Variants in VAV3 observed in about 807,000 individuals in gnomAD.
VAV3 encodes the protein vav guanine nucleotide exchange factor 3.
A neutral mutation model predicts 131.2 loss-of-function variants in VAV3; 94 were observed. That is an observed-to-expected ratio of 0.72 (90% CI 0.61 to 0.85). VAV3 has a LOEUF of 0.85. VAV3 is among the 40% of genes least tolerant of loss of function. The pLI is 0.00. For missense variants in VAV3, 939 were observed against 1,002.7 expected, an observed-to-expected ratio of 0.94 and a Z score of 0.86; for synonymous variants, 349 against 342.0, an observed-to-expected ratio of 1.02 and a Z score of -0.22.
intron 1 of VAV3, among the ~76,000 whole-genome samples, chr1:107,912,184 T>A (rs1053254933): frequency 3.9e-5 from 6 of 152,118 alleles, no homozygotes; most frequent in African/African-American, 1.4e-4. Context: ...TTGACAAAAA[T>A]CTCTTTCTGA....
Position 107,749,373 on chromosome 1 carries a change from A to G in VAV3, c.1392+89T>C, listed in dbSNP as rs910654200. On this transcript the variant is annotated intron_variant, in intron 14 of 26. Transcript: ENST00000370056. ...AGAAACAAAAACATCTGGATTGATAAGCCATATCTCACATTAATGTATTAT... is the reference window on the plus strand; with the variant it reads ...AGAAACAAAAACATCTGGATTGATAGGCCATATCTCACATTAATGTATTAT... The G allele has an allele frequency of 2.9e-6, 4 of 1,368,878 alleles. No homozygotes were observed. In the African/African-American group the frequency reaches 5.9e-5, roughly 20 times the overall value. The allele number at this position is 1,368,878 out of a possible 1,614,324, so 84.8% of individuals were successfully genotyped here. A position where few individuals can be genotyped will look rare whatever the true frequency, so the allele number is the denominator to read the frequency against.
At chr1:107,919,658 T>C (rs1462387509) in intron 1 of VAV3, among the ~76,000 whole-genome samples, 1 of 152,178 alleles carries the variant, frequency 6.6e-6, no homozygotes, top group South Asian at 2.1e-4. Context: ...TTATAAACCA[T>C]TGTAAGCATT....
intron 2 of VAV3, among the ~76,000 whole-genome samples, chr1:107,804,976 T>G (rs560551646): frequency 3.8e-4 from 57 of 151,714 alleles, no homozygotes; most frequent in African/African-American, 1.3e-3. Context: ...GTTTTTTTTT[T>G]GATTCCCCTG....
intron 19 of VAV3, among the ~76,000 whole-genome samples, chr1:107,651,923 C>T (rs373459009): frequency 1.3e-5 from 2 of 152,108 alleles, no homozygotes; most frequent in Non-Finnish European, 2.9e-5. Context: ...TCCAGCCTCA[C>T]ACTTGCTCAC....
chr1:107,888,373 C>A (rs1243552348), intron 1 of VAV3, among the ~76,000 whole-genome samples: 1 of 152,236 alleles, frequency 6.6e-6, no homozygotes, highest in Non-Finnish European at 1.5e-5. Flanking sequence ...ACTCTCCCCT[C>A]TTCCTTTCCC....
At chr1:107,900,189 C>A (rs1374800528) in intron 1 of VAV3, among the ~76,000 whole-genome samples, 1 of 152,136 alleles carries the variant, frequency 6.6e-6, no homozygotes, top group Non-Finnish European at 1.5e-5. Flanking sequence ...GCTACATAGA[C>A]TACAAGCTTC....
chr1:107,786,616 T>A (rs1666019809), intron 2 of VAV3, among the ~76,000 whole-genome samples: 1 of 152,226 alleles, frequency 6.6e-6, no homozygotes, highest in African/African-American at 2.4e-5. Flanking sequence ...ATTGTCATCA[T>A]CCTCATCATC....
intron 2 of VAV3, among the ~76,000 whole-genome samples, chr1:107,833,054 T>C (rs1668322451): frequency 6.6e-6 from 1 of 152,158 alleles, no homozygotes; most frequent in Non-Finnish European, 1.5e-5. Context: ...ATAAAATAAT[T>C]ATGAAGATCA....
In VAV3 at chr1:107,757,280, A is replaced by G; in HGVS notation, c.1067T>C (p.Leu356Pro). Residue 356 changes from leucine to proline, a missense_variant, in exon 11 of 27, where the codon CTG becomes CCG. By Grantham distance (98) the Leu-to-Pro change is moderately conservative. Coordinates refer to ENST00000370056, the MANE Select transcript of VAV3 (RefSeq NM_006113.5). The stretch of plus-strand genomic sequence containing the variant: ...CCCTACCTTCATGGCATCAAGAGCC[A>G]GTTTCAGATTTGCCTTCTCAGTCGG... The part of the protein sequence containing the change: ...TDPTEKANLK[L>P]ALDAMKDLAQ... The G allele has an allele frequency of 1.2e-6, 2 of 1,613,664 alleles. No homozygotes were observed. Among genetic ancestry groups the G allele is most frequent in the Non-Finnish European group, 1.7e-6 (2 of 1,179,854 alleles).
chr1:107,643,061 C>T (rs997243934), intron 19 of VAV3, among the ~76,000 whole-genome samples: 4 of 152,144 alleles, frequency 2.6e-5, no homozygotes, highest in African/African-American at 4.8e-5. Context: ...AAACACATCA[C>T]GTACAGTTTA....
intron 9 of VAV3, among the ~76,000 whole-genome samples, chr1:107,763,331 G>C (rs894047310): frequency 1.3e-5 from 2 of 152,210 alleles, no homozygotes; most frequent in Non-Finnish European, 2.9e-5. Context: ...TAGAGTCCCA[G>C]AGTATGGTCA....
At chr1:107,879,319 T>C (rs1670653374) in intron 1 of VAV3, among the ~76,000 whole-genome samples, 1 of 152,132 alleles carries the variant, frequency 6.6e-6, no homozygotes, top group South Asian at 2.1e-4. Context: ...ACCTCCACCA[T>C]TTGCTTAAGC....
intron 1 of VAV3, among the ~76,000 whole-genome samples, chr1:107,895,903 T>C (rs1671547660): frequency 6.6e-6 from 1 of 152,162 alleles, no homozygotes; most frequent in South Asian, 2.1e-4. Flanking sequence ...CACAGGAAAT[T>C]ACCCCTGAAA....
At chr1:107,779,301 C>A in intron 3 of VAV3, 133 bp downstream of exon 3, 1 of 654,152 alleles carries the variant, frequency 1.5e-6, no homozygotes, top group Non-Finnish European at 2.3e-6. Context: ...GTACGGGATA[C>A]TTACATACCA....
chr1:107,804,616 T>C (rs1196959342), intron 2 of VAV3, among the ~76,000 whole-genome samples: 1 of 152,206 alleles, frequency 6.6e-6, no homozygotes, highest in Non-Finnish European at 1.5e-5. Flanking sequence ...TTTCTGTAGC[T>C]ATTATTCTTT....
intron 25 of VAV3, among the ~76,000 whole-genome samples, chr1:107,591,557 C>G (rs186513648): frequency 7.9e-5 from 12 of 152,242 alleles, no homozygotes; most frequent in East Asian, 5.8e-4. Context: ...ATGGACCAGA[C>G]GCTTCTATGT....
intron 15 of VAV3, among the ~76,000 whole-genome samples, chr1:107,709,104 C>T (rs1660625831): frequency 6.6e-6 from 1 of 152,122 alleles, no homozygotes; most frequent in Non-Finnish European, 1.5e-5. Flanking sequence ...CTCCATAACA[C>T]TTTATGTAAC....
chr1:107,757,836 A>C (rs1326020411), intron 10 of VAV3, among the ~76,000 whole-genome samples: 1 of 152,036 alleles, frequency 6.6e-6, no homozygotes, highest in Non-Finnish European at 1.5e-5. Flanking sequence ...ATTGTTCCTT[A>C]AGTTTTCACC....
intron 1 of VAV3, among the ~76,000 whole-genome samples, chr1:107,920,694 C>T (rs1672853647): frequency 6.6e-6 from 1 of 152,150 alleles, no homozygotes; most frequent in Non-Finnish European, 1.5e-5. Flanking sequence ...TTAAAGTGAG[C>T]TCAAAGAAAA....
Sources: gnomAD v4.1 joint callset for allele counts (sites outside exome capture counted in the v4.1 genomes callset) on GRCh38, gnomAD v4.1.1 for gene constraint, MANE v1.5 for transcripts, NCBI Gene and HGNC (gene_info 2026-07-23, HGNC 2026-07-21) for gene names.